LYPLAL1: variants seen among roughly 807,000 people sequenced by gnomAD.
LYPLAL1 encodes lysophospholipase like 1.
LYPLAL1 carries 23 observed loss-of-function variants against 19.7 expected under a neutral mutation model. That is an observed-to-expected ratio of 1.17 (90% CI 0.84 to 1.65). LYPLAL1 has a LOEUF of 1.65. Among genes scored for constraint, LYPLAL1 ranks in the 40% most tolerant of loss-of-function variants. The pLI is 0.00. For missense variants in LYPLAL1, 355 were observed against 279.4 expected (o/e 1.27, Z -1.93); for synonymous variants, 119 against 96.3 (o/e 1.24, Z -1.38).
the LYPLAL1 span, among the ~76,000 whole-genome samples, chr1:219,319,584 T>A: frequency 6.6e-6 from 1 of 152,126 alleles, no homozygotes; most frequent in African/African-American, 2.4e-5. Context: ...CAATCTCTAG[T>A]ACCCTTTATG....
chr1:219,400,829 C>T, the LYPLAL1 span, among the ~76,000 whole-genome samples: 1 of 152,158 alleles, frequency 6.6e-6, no homozygotes. Flanking sequence ...TATCTGTCTG[C>T]CTATCTAGCT....
intron 1 of LYPLAL1, chr1:219,174,314 C>T: frequency 8.6e-7 from 1 of 1,169,448 alleles, no homozygotes; most frequent in Non-Finnish European, 1.1e-6. Context: ...GGTAAGTCTT[C>T]TGCTAGAGGG....
At chr1:219,207,012 A>G (rs1329726791) in intron 3 of LYPLAL1, among the ~76,000 whole-genome samples, 1 of 151,940 alleles carries the variant, frequency 6.6e-6, no homozygotes, top group Admixed American at 6.5e-5. Flanking sequence ...TACAGCTTAG[A>G]TGGTCTAGAA....
At chr1:219,356,671 G>A in the LYPLAL1 span, among the ~76,000 whole-genome samples, 1 of 152,202 alleles carries the variant, frequency 6.6e-6, no homozygotes, top group African/African-American at 2.4e-5. Context: ...AAGATTTGTA[G>A]TCTTGGTAAC....
At chr1:219,298,383 C>T in the LYPLAL1 span, among the ~76,000 whole-genome samples, 1 of 152,182 alleles carries the variant, frequency 6.6e-6, no homozygotes, top group Non-Finnish European at 1.5e-5. Flanking sequence ...AGCATGGAAC[C>T]TCACAAATGT....
the LYPLAL1 span, among the ~76,000 whole-genome samples, chr1:219,225,782 AC>A: frequency 6.6e-6 from 1 of 152,116 alleles, no homozygotes; most frequent in Non-Finnish European, 1.5e-5. Context: ...TCTGGTCCTT[AC>A]CAGCTTCATC....
chr1:219,247,836 C>T, the LYPLAL1 span, among the ~76,000 whole-genome samples: 1 of 151,832 alleles, frequency 6.6e-6, no homozygotes, highest in African/African-American at 2.4e-5. Context: ...GCCTCATGCA[C>T]ATGGTGCTTA....
At chr1:219,320,318 G>A in the LYPLAL1 span, among the ~76,000 whole-genome samples, 2 of 151,758 alleles carry the variant, frequency 1.3e-5, no homozygotes, top group Admixed American at 1.3e-4. Context: ...ACAAAAAGGC[G>A]CCCTCAGAAT....
chr1:219,395,847 T>A, the LYPLAL1 span, among the ~76,000 whole-genome samples: 1 of 152,246 alleles, frequency 6.6e-6, no homozygotes, highest in East Asian at 1.9e-4. Flanking sequence ...CTCACACCTG[T>A]AATCCCAGCA....
At chr1:219,196,231 A>G (rs566967753) in intron 3 of LYPLAL1, among the ~76,000 whole-genome samples, 4 of 152,238 alleles carry the variant, frequency 2.6e-5, no homozygotes, top group African/African-American at 9.6e-5. Flanking sequence ...TTCCGGTTCT[A>G]GGTCTTTGAG....
the LYPLAL1 span, among the ~76,000 whole-genome samples, chr1:219,231,485 CAT>C: frequency 3.3e-5 from 5 of 151,866 alleles, no homozygotes; most frequent in Admixed American, 3.3e-4. Context: ...AATAAGCACA[CAT>C]GTATGTATAT....
At chr1:219,232,976 T>A in the LYPLAL1 span, among the ~76,000 whole-genome samples, 3 of 152,130 alleles carry the variant, frequency 2.0e-5, no homozygotes, top group Non-Finnish European at 4.4e-5. Context: ...AAAACAATAT[T>A]CCAGTTCCTC....
intron 3 of LYPLAL1, among the ~76,000 whole-genome samples, chr1:219,206,332 A>G (rs1558242918): frequency 6.6e-6 from 1 of 152,094 alleles, no homozygotes; most frequent in Non-Finnish European, 1.5e-5. Flanking sequence ...CATTACCTAC[A>G]ATGGATTTAC....
At chr1:219,217,462 C>T (rs893215619), downstream of LYPLAL1, among the ~76,000 whole-genome samples, 7 of 145,690 alleles carry the variant, frequency 4.8e-5, no homozygotes, top group Admixed American at 2.1e-4. Context: ...GAAGATATAT[C>T]GAAATATTTT....
At chr1:219,356,827 T>C in the LYPLAL1 span, among the ~76,000 whole-genome samples, 32 of 152,212 alleles carry the variant, frequency 2.1e-4, no homozygotes, top group Non-Finnish European at 3.8e-4. Flanking sequence ...CCCACTAATA[T>C]ATTTTGTGTT....
chr1:219,437,923 C>T, the LYPLAL1 span, among the ~76,000 whole-genome samples: 15 of 151,906 alleles, frequency 9.9e-5, no homozygotes, highest in Admixed American at 6.6e-5. Context: ...CCCACCACCA[C>T]GCCTGGCTAA....
At chr1:219,435,078 A>G in the LYPLAL1 span, 1 of 152,206 alleles carries the variant, frequency 6.6e-6, no homozygotes, top group Non-Finnish European at 1.5e-5. Flanking sequence ...TGAGTGAACA[A>G]AAGATGCACA....
chr1:219,180,803 T>A (rs965408849), intron 2 of LYPLAL1, among the ~76,000 whole-genome samples: 15 of 152,214 alleles, frequency 9.9e-5, no homozygotes, highest in African/African-American at 3.4e-4. Flanking sequence ...TGATAGGAAT[T>A]CTAGGCAGTA....
chr1:219,361,978 G>A, the LYPLAL1 span, among the ~76,000 whole-genome samples: 371 of 151,996 alleles, frequency 2.4e-3, 3 homozygotes, highest in African/African-American at 7.7e-3. Flanking sequence ...CCCCTGTTTG[G>A]GCCAGTTTTC....
Sources: allele counts gnomAD v4.1 joint callset (sites outside exome capture counted in the v4.1 genomes callset), GRCh38; gene constraint gnomAD v4.1.1; transcripts MANE v1.5; gene names NCBI Gene and HGNC (gene_info 2026-07-23, HGNC 2026-07-21).